Variants in DSCAM observed in about 807,000 individuals in gnomAD.
DSCAM encodes the protein DS cell adhesion molecule.
A neutral mutation model predicts 217.7 loss-of-function variants in DSCAM; 47 were observed. That is an observed-to-expected ratio of 0.22 (90% confidence interval 0.17 to 0.28). DSCAM has a LOEUF of 0.28. Among genes scored for constraint, DSCAM ranks in the 10% least tolerant of loss-of-function variants. The pLI is 1.00. For synonymous variants in DSCAM, 1,056 were observed against 1,015.3 expected (o/e 1.04, Z -0.76); for missense variants, 2,080 against 2,618.3 (o/e 0.79, Z 4.49).
At position 40,042,350 on chromosome 21, in the gene DSCAM, CA is replaced by C. The variant is rs756152245; in HGVS notation, c.5686+20del. On this transcript the variant is annotated intron_variant, in intron 32 of 32. Transcript: ENST00000400454. ...GTGCACTTCCCTAAGCGACGGCCCC[CA>C]GGTGGCCTTGCTCACCTACCTGGCC... 2 of 1,608,868 alleles carry C rather than the reference CA, an allele frequency of 1.2e-6. No individual in the cohort carries two copies. Among genetic ancestry groups the C allele is most frequent in the Non-Finnish European group, 8.5e-7 (1 of 1,177,174 alleles).
intron 27 of DSCAM, among the ~76,000 whole-genome samples, chr21:40,066,836 G>GC (rs1456572637): frequency 5.9e-5 from 9 of 152,194 alleles, no homozygotes; most frequent in African/African-American, 1.9e-4. Context: ...GTTTGTCTGG[G>GC]CCCCTGGTGG....
chr21:40,120,041 A>C (rs1356807485), intron 20 of DSCAM, among the ~76,000 whole-genome samples: 1 of 152,172 alleles, frequency 6.6e-6, no homozygotes, highest in Non-Finnish European at 1.5e-5. Flanking sequence ...TGGGGTGGGA[A>C]GCTGTCTGGA....
intron 3 of DSCAM, among the ~76,000 whole-genome samples, chr21:40,454,019 G>A (rs1424361891): frequency 6.6e-6 from 1 of 152,156 alleles, no homozygotes; most frequent in Non-Finnish European, 1.5e-5. Context: ...CCAAATACCT[G>A]CCTAGGTAGG....
chr21:40,306,117 T>C (rs1313866359), intron 9 of DSCAM, among the ~76,000 whole-genome samples: 3 of 151,898 alleles, frequency 2.0e-5, no homozygotes, highest in Admixed American at 6.5e-5. Flanking sequence ...TTTTATTTCA[T>C]TGAGCAGCGG....
At chr21:40,235,877 G>A (rs1295023977) in intron 11 of DSCAM, among the ~76,000 whole-genome samples, 6 of 152,006 alleles carry the variant, frequency 3.9e-5, no homozygotes, top group Admixed American at 6.6e-5. Context: ...TATCATCAAC[G>A]GGACTAAGAA....
At chr21:40,021,580 G>A (rs1469502361) in intron 32 of DSCAM, among the ~76,000 whole-genome samples, 1 of 152,158 alleles carries the variant, frequency 6.6e-6, no homozygotes, top group Non-Finnish European at 1.5e-5. Flanking sequence ...TTTGACTTCC[G>A]CCTTGAGGAT....
At chr21:40,049,751 C>A (rs142792671) in intron 30 of DSCAM, among the ~76,000 whole-genome samples, 1 of 152,178 alleles carries the variant, frequency 6.6e-6, no homozygotes, top group Non-Finnish European at 1.5e-5. Context: ...CTCCCATGTG[C>A]GTCCTGCCTG....
In DSCAM at chr21:40,427,547, G is replaced by A. The variant is rs868325744; in HGVS notation, c.509-58302C>T. 5.9e-5 allele frequency among the ~76,000 whole-genome samples: 9 copies of A among 152,326 alleles called. 1 individual carries two copies. The highest frequency in any genetic ancestry group is 1.3e-4 in the Admixed American group (2 of 15,304). ...TTGCCAAACACAATGCCCACCTGCA[G>A]TCAACATTCAGAATCCCTGGCCTTC... On this transcript the variant is annotated intron_variant, in intron 3 of 32. Coordinates refer to ENST00000400454, the MANE Select transcript of DSCAM (RefSeq NM_001389.5).
At chr21:40,032,678 T>C (rs1022649951) in intron 32 of DSCAM, among the ~76,000 whole-genome samples, 3 of 152,160 alleles carry the variant, frequency 2.0e-5, no homozygotes, top group Admixed American at 6.5e-5. Flanking sequence ...GTGGACTCTA[T>C]GCTCCCCTTT....
chr21:40,017,140 A>C (rs1158280399), intron 32 of DSCAM, among the ~76,000 whole-genome samples: 1 of 152,068 alleles, frequency 6.6e-6, no homozygotes, highest in Non-Finnish European at 1.5e-5. Flanking sequence ...AACTAAAAAT[A>C]AATATGGCCA....
intron 3 of DSCAM, among the ~76,000 whole-genome samples, chr21:40,479,736 T>C (rs1321524599): frequency 6.6e-6 from 1 of 152,164 alleles, no homozygotes; most frequent in African/African-American, 2.4e-5. Context: ...CAATTCAAGA[T>C]GAGATTTGGG....
chr21:40,607,646 A>T (rs2089258625), intron 3 of DSCAM, among the ~76,000 whole-genome samples: 2 of 151,914 alleles, frequency 1.3e-5, no homozygotes, highest in Admixed American at 6.6e-5. Flanking sequence ...CATGCTACTG[A>T]ATAAGTCTCA....
chr21:40,187,298 A>G, intron 13 of DSCAM, 39 bp from the exon 14 acceptor site: 2 of 1,610,812 alleles, frequency 1.2e-6, no homozygotes, highest in Non-Finnish European at 1.7e-6. Context: ...TAGTTCAAAC[A>G]GAGCTCTGAC....
intron 1 of DSCAM, 81 bp downstream of exon 1, chr21:40,846,538 G>C: frequency 2.6e-6 from 1 of 391,174 alleles, no homozygotes; most frequent in Non-Finnish European, 4.5e-6. Flanking sequence ...CTTTACCCAT[G>C]CATCCAATGC....
chr21:40,408,261 A>C (rs2075295196), intron 3 of DSCAM, among the ~76,000 whole-genome samples: 1 of 152,180 alleles, frequency 6.6e-6, no homozygotes, highest in African/African-American at 2.4e-5. Context: ...TGAGAAAGAA[A>C]GAATGGTTAC....
chr21:40,757,375 A>G (rs1421723711), intron 1 of DSCAM, among the ~76,000 whole-genome samples: 2 of 152,212 alleles, frequency 1.3e-5, no homozygotes, highest in African/African-American at 2.4e-5. Flanking sequence ...CATGTCACTC[A>G]GCTTCTATGG....
intron 32 of DSCAM, among the ~76,000 whole-genome samples, chr21:40,015,667 A>G (rs1392509074): frequency 1.3e-5 from 2 of 152,044 alleles, no homozygotes; most frequent in Non-Finnish European, 2.9e-5. Flanking sequence ...AAACTCTTGA[A>G]CTCAAGTGAT....
rs376852214 is a variant in DSCAM, at chr21:40,655,446, C to CTTT, written c.508+37361_508+37363dup. Among the ~76,000 whole-genome samples, 1,082 of 138,856 alleles carry CTTT rather than the reference C, an allele frequency of 7.8e-3. 25 individuals carry two copies. The highest frequency in any genetic ancestry group is 0.024 in the East Asian group (110 of 4,612). The allele number at this position is 138,856 out of a possible 152,430, so 91.1% of individuals were successfully genotyped here. On this transcript the variant is annotated intron_variant, in intron 3 of 32. Coordinates refer to ENST00000400454, the MANE Select transcript of DSCAM (RefSeq NM_001389.5). The stretch of plus-strand genomic sequence containing the variant: ...ATTGTGCTCCCTTCAATCTGTCTCT[C>CTTT]TTTTTTTTTTTTTTGAGACAGGGTC...
In DSCAM at chr21:40,181,751, G is replaced by A. The variant is rs543281939; in HGVS notation, c.2780-2657C>T. Among the ~76,000 whole-genome samples, 13 of 151,900 alleles carry A rather than the reference G, an allele frequency of 8.6e-5. No individual in the cohort carries two copies. In the South Asian group the frequency reaches 1.5e-3, roughly 17 times the overall value. ...ATTGACTTGACAATGCACAGAAATC[G>A]TTTGGTCAAATGTAAGAGAAGAAAA... On this transcript the variant is annotated intron_variant, in intron 14 of 32. Coordinates refer to ENST00000400454, the MANE Select transcript of DSCAM (RefSeq NM_001389.5).
Sources: gnomAD v4.1 joint callset for allele counts (sites outside exome capture counted in the v4.1 genomes callset) on GRCh38, gnomAD v4.1.1 for gene constraint, MANE v1.5 for transcripts, NCBI Gene and HGNC (gene_info 2026-07-23, HGNC 2026-07-21) for gene names.